The following THADA variants were observed in gnomAD, a reference collection of about 807,000 sequenced individuals.
THADA encodes tRNA (32-2'-O)-methyltransferase regulator THADA.
In THADA, 213 loss-of-function variants were observed where a neutral mutation model predicts 219.8. The observed-to-expected ratio is 0.97, with a 90% CI of 0.87 to 1.09. THADA has a LOEUF of 1.09. Ranked by LOEUF, THADA falls within the 50% of genes least tolerant of loss-of-function variation. THADA has a pLI of 0.00. For missense variants in THADA, 2,956 were observed against 2,311.3 expected (o/e 1.28, Z -5.72); for synonymous variants, 1,018 against 828.9 (o/e 1.23, Z -3.92).
chr2:43,348,941 C>T (rs1379611054), intron 29 of THADA, among the ~76,000 whole-genome samples: 1 of 152,064 alleles, frequency 6.6e-6, no homozygotes, highest in African/African-American at 2.4e-5. Context: ...GTAATAGGTC[C>T]CTTGGAGAAG....
At chr2:43,569,425 T>G (rs1013522173) in intron 14 of THADA, among the ~76,000 whole-genome samples, 10 of 152,224 alleles carry the variant, frequency 6.6e-5, no homozygotes, top group Admixed American at 6.5e-5. Context: ...GGTTACTAAT[T>G]CTGCTTATAG....
chr2:43,324,927 A>G (rs1385104813), intron 30 of THADA, among the ~76,000 whole-genome samples: 1 of 152,214 alleles, frequency 6.6e-6, no homozygotes, highest in Non-Finnish European at 1.5e-5. Flanking sequence ...ATGCACTGAA[A>G]AGCAGCATTA....
At chr2:43,328,880 C>T (rs1679639786) in intron 30 of THADA, among the ~76,000 whole-genome samples, 1 of 152,178 alleles carries the variant, frequency 6.6e-6, no homozygotes, top group African/African-American at 2.4e-5. Flanking sequence ...CCTTTCCCTC[C>T]TAATATTAAT....
At chr2:43,524,823 CA>C (rs1019296513) in intron 22 of THADA, among the ~76,000 whole-genome samples, 5 of 152,130 alleles carry the variant, frequency 3.3e-5, no homozygotes, top group African/African-American at 1.2e-4. Flanking sequence ...GCTAAGATAC[CA>C]GGCATTGGGC....
chr2:43,480,896 A>C (rs1315086637), intron 26 of THADA, among the ~76,000 whole-genome samples: 1 of 152,218 alleles, frequency 6.6e-6, no homozygotes, highest in East Asian at 1.9e-4. Flanking sequence ...AATTTGGCCA[A>C]ATAGGGCTTG....
At chr2:43,261,212 A>ATTT (rs1392295668) in intron 36 of THADA, among the ~76,000 whole-genome samples, 6 of 95,282 alleles carry the variant, frequency 6.3e-5, no homozygotes, top group African/African-American at 2.9e-4. Flanking sequence ...AAATTTGTGC[A>ATTT]TTTCTTTTTT....
chr2:43,560,446 AG>A, intron 15 of THADA, 61 bp from the exon 16 acceptor site: 5 of 1,301,028 alleles, frequency 3.8e-6, no homozygotes, highest in Non-Finnish European at 5.1e-6. Flanking sequence ...AGTCTTCTGA[AG>A]TTATTTGACC....
At chr2:43,361,340 G>A (rs185735350) in intron 29 of THADA, among the ~76,000 whole-genome samples, 1 of 152,274 alleles carries the variant, frequency 6.6e-6, no homozygotes, top group East Asian at 1.9e-4. Context: ...AAGTCTAAAA[G>A]ATAATTGATG....
At chr2:43,258,926 C>T (rs1469424866) in intron 36 of THADA, among the ~76,000 whole-genome samples, 2 of 152,174 alleles carry the variant, frequency 1.3e-5, no homozygotes, top group Admixed American at 1.3e-4. Flanking sequence ...ACAGGGCTCA[C>T]ATTGGGACTA....
chr2:43,322,821 G>T (rs568623293), intron 30 of THADA, among the ~76,000 whole-genome samples: 126 of 151,242 alleles, frequency 8.3e-4, no homozygotes, highest in Non-Finnish European at 1.6e-3. Flanking sequence ...GAGTAGCTGG[G>T]ACTACAGGCG....
chr2:43,271,570 A>G (rs937299090), intron 36 of THADA, among the ~76,000 whole-genome samples: 2 of 151,232 alleles, frequency 1.3e-5, no homozygotes, highest in African/African-American at 4.9e-5. Context: ...TTCTGAGAAT[A>G]TAGCAGCAAA....
At chr2:43,502,584 C>CAAAAAAAAA (rs1172070049) in intron 24 of THADA, among the ~76,000 whole-genome samples, 4 of 74,180 alleles carry the variant, frequency 5.4e-5, no homozygotes, top group Non-Finnish European at 6.0e-5. Context: ...GACCTCGTCT[C>CAAAAAAAAA]AAAAAAAAAA....
At chr2:43,465,914 C>G (rs1015243874) in intron 26 of THADA, among the ~76,000 whole-genome samples, 10 of 152,198 alleles carry the variant, frequency 6.6e-5, no homozygotes, top group Admixed American at 6.5e-4. Flanking sequence ...TAAATCCTCG[C>G]TGCTGTAAAT....
chr2:43,542,563 G>A (rs1222670280), intron 20 of THADA, among the ~76,000 whole-genome samples: 2 of 152,138 alleles, frequency 1.3e-5, no homozygotes, highest in Non-Finnish European at 2.9e-5. Flanking sequence ...AACAACTAAT[G>A]ATCAAACAAG....
intron 26 of THADA, among the ~76,000 whole-genome samples, chr2:43,478,615 T>C (rs1685817645): frequency 6.6e-6 from 1 of 152,200 alleles, no homozygotes; most frequent in African/African-American, 2.4e-5. Flanking sequence ...AGAAAGAGGA[T>C]ACATGCATTG....
Position 43,572,906 on chromosome 2 carries a change from C to G in THADA, c.1816G>C (p.Ala606Pro). ...GTTGCAGACTGAAGATGTCCATGAG[C>G]TCTAGCTATTCGCAGACATGCCATC... Reference protein sequence around the residue: ...ALMACLRIARAHGHLQSATDT... With the variant: ...ALMACLRIARPHGHLQSATDT... The change falls in exon 12 of 38, where the codon GCT becomes CCT. Residue 606 changes from alanine to proline, a missense_variant. Coordinates refer to ENST00000405975, the MANE Select transcript of THADA (RefSeq NM_022065.5). 1 of 1,613,956 alleles carries G rather than the reference C, an allele frequency of 6.2e-7. No individual in the cohort carries two copies. The highest frequency in any genetic ancestry group is 8.5e-7 in the Non-Finnish European group (1 of 1,179,870).
rs547169162 is a variant in THADA, at chr2:43,434,262, C to A, written c.3837-3960G>T. ...GAAACGTAGTGTGGTAACTGATTAT[C>A]CACACAGACAAAATTACAATTGGAT... On this transcript the variant is annotated intron_variant, in intron 26 of 37. Coordinates refer to ENST00000405975, the MANE Select transcript of THADA (RefSeq NM_022065.5). Among the ~76,000 whole-genome samples, 15 of 152,254 alleles carry A rather than the reference C, an allele frequency of 9.9e-5. No individual in the cohort carries two copies. In the South Asian group the frequency reaches 3.1e-3, roughly 32 times the overall value.
At chr2:43,573,178 T>C (rs910454084) in intron 11 of THADA, among the ~76,000 whole-genome samples, 186 bp from the exon 12 acceptor site, 1 of 152,236 alleles carries the variant, frequency 6.6e-6, no homozygotes, top group African/African-American at 2.4e-5. Context: ...ATTTGCCCTT[T>C]TGTCAATCAT....
At chr2:43,369,368 G>C (rs180890157) in intron 29 of THADA, among the ~76,000 whole-genome samples, 1 of 152,262 alleles carries the variant, frequency 6.6e-6, no homozygotes, top group African/African-American at 2.4e-5. Context: ...TTAAATATTT[G>C]AGCTTAGAAA....
Sources: gnomAD v4.1 joint callset for allele counts (sites outside exome capture counted in the v4.1 genomes callset) on GRCh38, gnomAD v4.1.1 for gene constraint, MANE v1.5 for transcripts, NCBI Gene and HGNC (gene_info 2026-07-23, HGNC 2026-07-21) for gene names.